Variants in MYO1E observed in about 807,000 individuals in gnomAD.
MYO1E encodes the protein myosin IE.
MYO1E carries 68 observed loss-of-function variants against 151.1 expected under a neutral mutation model. The ratio of observed to expected loss-of-function variants is 0.45; its 90% confidence interval spans 0.37 to 0.55. The LOEUF is 0.55. Among genes scored for constraint, MYO1E ranks in the 20% least tolerant of loss-of-function variants. The probability of loss-of-function intolerance (pLI) is 0.00; values close to 1 mark genes in which losing one functional copy is unlikely to be tolerated. For synonymous variants in MYO1E, 601 were observed against 501.7 expected (o/e 1.20, Z -2.64); for missense variants, 1,363 against 1,389.3 (o/e 0.98, Z 0.30).
intron 16 of MYO1E, among the ~76,000 whole-genome samples, chr15:59,196,800 T>A (rs2079768941): frequency 6.6e-6 from 1 of 152,114 alleles, no homozygotes; most frequent in Non-Finnish European, 1.5e-5. Flanking sequence ...GTAAATTGCC[T>A]CTTATGTTCT....
intron 14 of MYO1E, 86 bp from the exon 15 acceptor site, chr15:59,205,571 T>C: frequency 7.7e-7 from 1 of 1,302,582 alleles, no homozygotes; most frequent in Non-Finnish European, 1.1e-6. Flanking sequence ...AAAATCTAAT[T>C]TCACCAAACA....
intron 1 of MYO1E, among the ~76,000 whole-genome samples, chr15:59,347,307 G>A (rs2080799956): frequency 6.6e-6 from 1 of 152,168 alleles, no homozygotes; most frequent in African/African-American, 2.4e-5. Context: ...ATTATCTGAG[G>A]TGGAACAGTT....
In MYO1E at chr15:59,240,324, A is replaced by G. The variant is rs373052852; in HGVS notation, c.333-3652T>C. On this transcript the variant is annotated intron_variant, in intron 4 of 27. Coordinates refer to ENST00000288235, the MANE Select transcript of MYO1E (RefSeq NM_004998.4). The stretch of plus-strand genomic sequence containing the variant: ...CCAAGCAATTTTAAATCAAAGTCAT[A>G]ACAGACTTTATAGGAAATATTAATT... 9.2e-5 allele frequency among the ~76,000 whole-genome samples: 14 copies of G among 152,228 alleles called. No homozygotes were observed. In the East Asian group the frequency reaches 1.3e-3, roughly 15 times the overall value.
chr15:59,333,397 C>T (rs997321945), intron 1 of MYO1E, among the ~76,000 whole-genome samples: 19 of 152,104 alleles, frequency 1.2e-4, no homozygotes, highest in African/African-American at 3.6e-4. Flanking sequence ...ACTCCACCAC[C>T]GCGCCTGGGT....
intron 4 of MYO1E, among the ~76,000 whole-genome samples, chr15:59,242,177 C>G (rs564602968): frequency 1.3e-5 from 2 of 152,322 alleles, no homozygotes; most frequent in South Asian, 4.1e-4. Context: ...TACAGAACAA[C>G]TGATATATTA....
At chr15:59,148,462 GA>G (rs1281588741) in intron 26 of MYO1E, among the ~76,000 whole-genome samples, 1 of 152,126 alleles carries the variant, frequency 6.6e-6, no homozygotes, top group Non-Finnish European at 1.5e-5. Context: ...TTTATGTCTT[GA>G]AATTCCAAGA....
At chr15:59,172,948 G>A (rs1018125964) in intron 21 of MYO1E, among the ~76,000 whole-genome samples, 4 of 152,200 alleles carry the variant, frequency 2.6e-5, no homozygotes, top group East Asian at 1.9e-4. Context: ...ACATGCTTCC[G>A]TTGTTTATTT....
chr15:59,353,735 C>T (rs2080837921), intron 1 of MYO1E, among the ~76,000 whole-genome samples: 1 of 136,442 alleles, frequency 7.3e-6, no homozygotes, highest in African/African-American at 2.8e-5. Flanking sequence ...CCAGCTTGAG[C>T]AACAAGAGCA....
chr15:59,236,814 A>G, intron 4 of MYO1E, 142 bp from the exon 5 acceptor site: 5 of 749,714 alleles, frequency 6.7e-6, no homozygotes. Context: ...TTTAAGTACA[A>G]TACCAGTAGA....
chr15:59,363,877 C>G (rs1298323671), intron 1 of MYO1E, among the ~76,000 whole-genome samples: 1 of 152,114 alleles, frequency 6.6e-6, no homozygotes, highest in Non-Finnish European at 1.5e-5. Context: ...CCATTTCAAG[C>G]GATTCTCCTG....
Position 59,224,368 on chromosome 15 carries a change from T to C in MYO1E, c.777+321A>G, listed in dbSNP as rs367934254. Among the ~76,000 whole-genome samples, 19 of 152,164 alleles carry C rather than the reference T, an allele frequency of 1.2e-4. No homozygotes were observed. The East Asian group carries it at 1.7e-3, about 14-fold the overall frequency. Reference sequence around the variant, plus strand: ...GGTTTGCTTAGCTTTTCTAAGGAAATAGCTCACGAATAGAGTAGGCCATCA... The same window carrying C: ...GGTTTGCTTAGCTTTTCTAAGGAAACAGCTCACGAATAGAGTAGGCCATCA... On this transcript the variant is annotated intron_variant, in intron 8 of 27. Coordinates refer to ENST00000288235, the MANE Select transcript of MYO1E (RefSeq NM_004998.4).
chr15:59,151,833 G>T (rs775631341), intron 26 of MYO1E, among the ~76,000 whole-genome samples: 5 of 152,002 alleles, frequency 3.3e-5, no homozygotes, highest in Admixed American at 6.6e-5. Context: ...GGATCACGAG[G>T]TCAGGAGATC....
At chr15:59,311,456 T>C (rs549815359) in intron 1 of MYO1E, among the ~76,000 whole-genome samples, 1 of 152,254 alleles carries the variant, frequency 6.6e-6, no homozygotes, top group South Asian at 2.1e-4. Context: ...TGCATCCCAG[T>C]TCCTAACAGG....
At chr15:59,189,600 A>G (rs769162550) in intron 17 of MYO1E, among the ~76,000 whole-genome samples, 1 of 151,888 alleles carries the variant, frequency 6.6e-6, no homozygotes, top group Non-Finnish European at 1.5e-5. Flanking sequence ...CTTGAGACAG[A>G]GTCTTGCTTT....
At chr15:59,372,451 C>A (rs1394753937) in intron 1 of MYO1E, 47 bp downstream of exon 1, 2 of 1,536,368 alleles carry the variant, frequency 1.3e-6, no homozygotes, top group Non-Finnish European at 8.7e-7. Flanking sequence ...GGGTTTCCTG[C>A]CCCGTCCCCG....
chr15:59,219,599 A>G (rs1366528372), intron 9 of MYO1E, among the ~76,000 whole-genome samples: 3 of 152,254 alleles, frequency 2.0e-5, no homozygotes, highest in African/African-American at 7.2e-5. Flanking sequence ...TATCCTCTAT[A>G]TGAGTGTTTC....
At chr15:59,162,054 T>A (rs2079540806) in intron 23 of MYO1E, among the ~76,000 whole-genome samples, 1 of 152,172 alleles carries the variant, frequency 6.6e-6, no homozygotes, top group South Asian at 2.1e-4. Context: ...TTTCTGTGTT[T>A]TAGACAGGGT....
intron 9 of MYO1E, among the ~76,000 whole-genome samples, chr15:59,219,034 G>A (rs1389531796): frequency 6.6e-6 from 1 of 152,120 alleles, no homozygotes; most frequent in Non-Finnish European, 1.5e-5. Flanking sequence ...TAATAAAGAG[G>A]GGCATTATAA....
chr15:59,280,662 G>C lies in MYO1E; in HGVS notation c.4-8213C>G, dbSNP rs566152136. Among the ~76,000 whole-genome samples, 449 of 150,746 alleles carry C rather than the reference G, an allele frequency of 3.0e-3. 1 individual carries two copies. Among genetic ancestry groups the C allele is most frequent in the Non-Finnish European group, 5.1e-3 (344 of 67,722 alleles). Reference sequence around the variant, plus strand: ...AAGGATGTCTTATAATCAATGATGTGTTATAGCTTAACTGGCAGTTTTTTT... The same window carrying C: ...AAGGATGTCTTATAATCAATGATGTCTTATAGCTTAACTGGCAGTTTTTTT... On this transcript the variant is annotated intron_variant, in intron 1 of 27. Coordinates refer to ENST00000288235, the MANE Select transcript of MYO1E (RefSeq NM_004998.4).
Sources: gnomAD v4.1 joint callset for allele counts (sites outside exome capture counted in the v4.1 genomes callset) on GRCh38, gnomAD v4.1.1 for gene constraint, MANE v1.5 for transcripts, NCBI Gene and HGNC (gene_info 2026-07-23, HGNC 2026-07-21) for gene names.